The following SGCZ variants were observed in gnomAD, a reference collection of about 807,000 sequenced individuals.
The protein encoded by SGCZ is zeta-sarcoglycan.
A neutral mutation model predicts 41.3 loss-of-function variants in SGCZ; 40 were observed. The observed-to-expected ratio is 0.97, with a 90% CI of 0.75 to 1.26. The LOEUF is 1.26. Ranked by LOEUF, SGCZ falls within the 50% of genes most tolerant of loss-of-function variation. The pLI is 0.00. For synonymous variants in SGCZ, 206 were observed against 137.5 expected (o/e 1.50, Z -3.49); for missense variants, 552 against 369.8 (o/e 1.49, Z -4.04).
chr8:14,377,946 T>A (rs1052428568), intron 2 of SGCZ, among the ~76,000 whole-genome samples: 4 of 150,644 alleles, frequency 2.7e-5, no homozygotes, highest in Admixed American at 2.6e-4. Context: ...ACATTAGGCT[T>A]GGTTCCAAGT....
chr8:14,358,710 C>G (rs911564565), intron 2 of SGCZ, among the ~76,000 whole-genome samples: 1 of 152,030 alleles, frequency 6.6e-6, no homozygotes, highest in African/African-American at 2.4e-5. Flanking sequence ...CTCTCGGGTT[C>G]AAGCAATTCT....
intron 2 of SGCZ, among the ~76,000 whole-genome samples, chr8:14,459,735 T>A (rs1422133811): frequency 6.6e-6 from 1 of 152,144 alleles, no homozygotes; most frequent in Non-Finnish European, 1.5e-5. Flanking sequence ...CCTAATATGA[T>A]ACACTGAAAA....
chr8:14,102,537 A>C (rs1332552079), intron 6 of SGCZ, 38 bp from the exon 7 acceptor site: 2 of 1,334,484 alleles, frequency 1.5e-6, no homozygotes, highest in African/African-American at 1.5e-5. Flanking sequence ...AGGAAAAAAA[A>C]ACACAAAAAA....
intron 1 of SGCZ, among the ~76,000 whole-genome samples, chr8:15,071,321 A>T (rs1805342680): frequency 6.6e-6 from 1 of 152,208 alleles, no homozygotes; most frequent in East Asian, 1.9e-4. Context: ...ATTTCCATAA[A>T]TCTTTCAAAT....
chr8:14,281,700 T>C (rs1196085487), intron 3 of SGCZ, among the ~76,000 whole-genome samples: 1 of 152,048 alleles, frequency 6.6e-6, no homozygotes, highest in Non-Finnish European at 1.5e-5. Context: ...ATTTAAAACA[T>C]TTAATCTGAG....
intron 1 of SGCZ, among the ~76,000 whole-genome samples, chr8:14,662,420 C>A (rs1049336728): frequency 2.0e-5 from 3 of 152,116 alleles, no homozygotes; most frequent in African/African-American, 7.2e-5. Flanking sequence ...GATAAAGCAC[C>A]CTTGTGAGGC....
Position 14,198,483 on chromosome 8 carries a change from T to A in SGCZ, c.425-33781A>T, listed in dbSNP as rs10113003. On this transcript the variant is annotated intron_variant, in intron 4 of 7. Transcript: ENST00000382080. Reference sequence around the variant, plus strand: ...GAGCCAAGGGTTGTAAAACTACCTATTGAATAGTATGCAAACTTCTTTAAT... The same window carrying A: ...GAGCCAAGGGTTGTAAAACTACCTAATGAATAGTATGCAAACTTCTTTAAT... Among the ~76,000 whole-genome samples the A allele has an allele frequency of 2.0e-5, 3 of 151,994 alleles. No homozygotes were observed. The South Asian group carries it at 6.2e-4, about 31-fold the overall frequency.
chr8:14,792,967 T>C (rs1563272896), intron 1 of SGCZ, among the ~76,000 whole-genome samples: 1 of 152,196 alleles, frequency 6.6e-6, no homozygotes, highest in Non-Finnish European at 1.5e-5. Flanking sequence ...GATCTCTCAG[T>C]CTTGAACTTC....
chr8:15,230,819 T>C (rs1056389941), intron 1 of SGCZ, among the ~76,000 whole-genome samples: 9 of 152,168 alleles, frequency 5.9e-5, no homozygotes, highest in Non-Finnish European at 7.3e-5. Flanking sequence ...TTCGAAGACA[T>C]TGGACAAATT....
At chr8:14,854,632 A>G (rs899669511) in intron 1 of SGCZ, among the ~76,000 whole-genome samples, 1 of 152,232 alleles carries the variant, frequency 6.6e-6, no homozygotes, top group Non-Finnish European at 1.5e-5. Flanking sequence ...TTTTGAATAC[A>G]TACAGTAATA....
At chr8:14,825,510 G>T (rs1449480815) in intron 1 of SGCZ, among the ~76,000 whole-genome samples, 1 of 152,128 alleles carries the variant, frequency 6.6e-6, no homozygotes, top group African/African-American at 2.4e-5. Flanking sequence ...CAAAATAATT[G>T]TGACTTTAAA....
chr8:14,184,496 A>G (rs1010723699), intron 4 of SGCZ, among the ~76,000 whole-genome samples: 2 of 152,316 alleles, frequency 1.3e-5, no homozygotes, highest in East Asian at 3.9e-4. Flanking sequence ...ATTGAAATGA[A>G]TAAGATATAA....
intron 2 of SGCZ, among the ~76,000 whole-genome samples, chr8:14,373,352 A>T (rs1278516132): frequency 1.3e-5 from 2 of 152,198 alleles, no homozygotes; most frequent in African/African-American, 4.8e-5. Context: ...AGTGGTTGAG[A>T]CCAACTTGGA....
intron 2 of SGCZ, among the ~76,000 whole-genome samples, chr8:14,526,021 T>G (rs1802936919): frequency 6.6e-6 from 1 of 152,156 alleles, no homozygotes; most frequent in Non-Finnish European, 1.5e-5. Flanking sequence ...CTGTAATAAT[T>G]GTTTTCTGTA....
intron 1 of SGCZ, among the ~76,000 whole-genome samples, chr8:14,894,000 T>C (rs565997061): frequency 3.3e-4 from 51 of 152,268 alleles, no homozygotes; most frequent in African/African-American, 1.2e-3. Flanking sequence ...GTGATATCTA[T>C]ATCAAAATGA....
intron 1 of SGCZ, among the ~76,000 whole-genome samples, chr8:15,074,985 A>G (rs892026819): frequency 2.0e-5 from 3 of 152,146 alleles, no homozygotes; most frequent in African/African-American, 4.8e-5. Flanking sequence ...CATGAATTGT[A>G]TCCTTCCTCT....
intron 2 of SGCZ, among the ~76,000 whole-genome samples, chr8:14,540,911 C>T (rs1308699794): frequency 6.6e-6 from 1 of 151,352 alleles, no homozygotes; most frequent in Non-Finnish European, 1.5e-5. Flanking sequence ...TTCTTTACTG[C>T]TTGTTATGAT....
At chr8:14,595,430 C>CAT (rs1422439506) in intron 1 of SGCZ, among the ~76,000 whole-genome samples, 15 of 151,396 alleles carry the variant, frequency 9.9e-5, no homozygotes, top group Middle Eastern at 3.4e-3. Flanking sequence ...CACACACACA[C>CAT]ACACACACAC....
At chr8:14,399,087 T>C (rs1458918366) in intron 2 of SGCZ, among the ~76,000 whole-genome samples, 3 of 152,114 alleles carry the variant, frequency 2.0e-5, no homozygotes, top group Non-Finnish European at 4.4e-5. Flanking sequence ...AACGTGATCA[T>C]TATTATTTTG....
Sources: gnomAD v4.1 joint callset for allele counts (sites outside exome capture counted in the v4.1 genomes callset) on GRCh38, gnomAD v4.1.1 for gene constraint, MANE v1.5 for transcripts, NCBI Gene and HGNC (gene_info 2026-07-23, HGNC 2026-07-21) for gene names.